PRUNE2: variants seen among roughly 807,000 people sequenced by gnomAD.
PRUNE2 encodes the protein protein prune homolog 2.
A neutral mutation model predicts 252.0 loss-of-function variants in PRUNE2; 164 were observed. The observed-to-expected ratio is 0.65, with a 90% CI of 0.57 to 0.74. The LOEUF (loss-of-function observed/expected upper bound fraction) is 0.74, where lower values mean the gene tolerates loss of function less well. PRUNE2 is among the 30% of genes least tolerant of loss of function. The pLI, the probability that PRUNE2 is intolerant of heterozygous loss-of-function variation, is 0.00. For synonymous variants in PRUNE2, 1,292 were observed against 1,350.2 expected, an observed-to-expected ratio of 0.96 and a Z score of 0.94; for missense variants, 3,495 against 3,711.0, an observed-to-expected ratio of 0.94 and a Z score of 1.51.
At chr9:76,691,907 G>C (rs2044778519) in intron 9 of PRUNE2, 8 of 601,164 alleles carry the variant, frequency 1.3e-5, no homozygotes, top group Non-Finnish European at 2.4e-5. Context: ...GCAGCTGGCA[G>C]CTGTCAGTTG....
intron 4 of PRUNE2, among the ~76,000 whole-genome samples, chr9:76,832,520 A>G (rs1024953578): frequency 6.6e-6 from 1 of 152,132 alleles, no homozygotes; most frequent in Non-Finnish European, 1.5e-5. Flanking sequence ...CAGAATATAT[A>G]ATACTTTTAA....
chr9:76,747,491 G>C (rs1009311251), intron 6 of PRUNE2, among the ~76,000 whole-genome samples: 1 of 152,118 alleles, frequency 6.6e-6, no homozygotes, highest in Non-Finnish European at 1.5e-5. Context: ...TAAGTGAGGA[G>C]ACTGAGCCTC....
chr9:76,799,106 C>G (rs970567431), intron 6 of PRUNE2, among the ~76,000 whole-genome samples: 1 of 152,072 alleles, frequency 6.6e-6, no homozygotes. Context: ...TTTGGGAGGC[C>G]GAGGTGGGTG....
chr9:76,834,653 T>G (rs1162516719), intron 4 of PRUNE2, among the ~76,000 whole-genome samples: 1 of 152,190 alleles, frequency 6.6e-6, no homozygotes, highest in East Asian at 1.9e-4. Context: ...AAAACAGACA[T>G]CTGATATTGG....
chr9:76,836,378 T>C (rs1201933518), intron 4 of PRUNE2, among the ~76,000 whole-genome samples: 2 of 148,606 alleles, frequency 1.3e-5, no homozygotes, highest in African/African-American at 5.0e-5. Context: ...TAGAATCAGA[T>C]AGGGGGAGGG....
At chr9:76,700,682 C>T (rs757396294) in intron 9 of PRUNE2, among the ~76,000 whole-genome samples, 4 of 152,092 alleles carry the variant, frequency 2.6e-5, no homozygotes, top group Admixed American at 1.3e-4. Flanking sequence ...TTTCTTCTGA[C>T]TATAAAAGAA....
chr9:76,647,271 G>A (rs1845304415), intron 11 of PRUNE2, among the ~76,000 whole-genome samples: 1 of 152,128 alleles, frequency 6.6e-6, no homozygotes, highest in Non-Finnish European at 1.5e-5. Flanking sequence ...AGGAGCAAAG[G>A]CAATACAATA....
intron 9 of PRUNE2, chr9:76,687,535 A>G (rs546806070): frequency 9.9e-6 from 2 of 201,976 alleles, no homozygotes; most frequent in South Asian, 1.3e-4. Flanking sequence ...TCTCCAGGTA[A>G]AACCATATCA....
chr9:76,707,415 G>A lies in PRUNE2; in HGVS notation c.4859C>T (p.Thr1620Ile), dbSNP rs761058409. The A allele has an allele frequency of 2.5e-6, 4 of 1,613,876 alleles. No individual in the cohort carries two copies. In the South Asian group the frequency reaches 3.3e-5, roughly 13 times the overall value. ...FEKSFDRKTP[T>I]FLEIWNDSVD... is the part of the protein sequence containing the mutation. ...TGAGTCATTCCAGATCTCTAAAAAT[G>A]TAGGAGTTTTGCGATCAAAGCTCTT... Residue 1620 changes from threonine to isoleucine, a missense_variant, in exon 8 of 19, where the codon ACA becomes ATA. Transcript: ENST00000376718.
chr9:76,706,205 A>G lies in PRUNE2; in HGVS notation c.6069T>C (p.Ser2023=). Residue 2023 remains serine, a synonymous_variant, in exon 8 of 19, where the codon TCT becomes TCC. Coordinates refer to ENST00000376718, the MANE Select transcript of PRUNE2 (RefSeq NM_015225.3). ...CTGGCTTCATTATCAGTTGGGTGGG[A>G]GAACTGACAGCAGGAAAATTTTCTG... is the stretch of plus-strand genomic sequence containing the variant. ...IATENFPAVS[S]PTQLIMKPGS... The G allele has an allele frequency of 6.2e-7, 1 of 1,613,908 alleles. No homozygotes were observed.
intron 1 of PRUNE2, among the ~76,000 whole-genome samples, chr9:76,871,688 G>A (rs1443804532): frequency 6.6e-6 from 1 of 152,172 alleles, no homozygotes; most frequent in East Asian, 1.9e-4. Context: ...GAGTGCAGGG[G>A]CACAACGTCA....
intron 1 of PRUNE2, among the ~76,000 whole-genome samples, chr9:76,854,476 A>G (rs7046215): frequency 0.041 from 6,167 of 152,220 alleles, 440 homozygotes; most frequent in African/African-American, 0.14. Context: ...TATGAACTGT[A>G]TCTCTGAGTC....
At chr9:76,834,734 G>A (rs2058860054) in intron 4 of PRUNE2, among the ~76,000 whole-genome samples, 1 of 152,182 alleles carries the variant, frequency 6.6e-6, no homozygotes, top group Admixed American at 6.5e-5. Flanking sequence ...AACTAACTCA[G>A]AAAAATGCTC....
chr9:76,783,853 C>CCA (rs2054687141), intron 6 of PRUNE2: 1 of 152,114 alleles, frequency 6.6e-6, no homozygotes, highest in African/African-American at 2.4e-5. Context: ...CTTTAAATAT[C>CCA]CACACACACA....
At chr9:76,839,498 G>C (rs2059261173) in intron 4 of PRUNE2, among the ~76,000 whole-genome samples, 1 of 152,204 alleles carries the variant, frequency 6.6e-6, no homozygotes. Flanking sequence ...AAGCTGAAAG[G>C]CTCTTGTGTC....
intron 4 of PRUNE2, among the ~76,000 whole-genome samples, chr9:76,835,588 A>G (rs2058915353): frequency 1.3e-5 from 2 of 152,290 alleles, no homozygotes; most frequent in East Asian, 1.9e-4. Context: ...TTTTGGTTTT[A>G]TAACTAGCAG....
At chr9:76,848,302 T>C (rs1422258174) in intron 3 of PRUNE2, among the ~76,000 whole-genome samples, 1 of 152,120 alleles carries the variant, frequency 6.6e-6, no homozygotes, top group Non-Finnish European at 1.5e-5. Context: ...GTAAATTTAG[T>C]CAAGCATATG....
intron 9 of PRUNE2, among the ~76,000 whole-genome samples, chr9:76,681,253 C>A (rs146952884): frequency 6.6e-6 from 1 of 151,912 alleles, no homozygotes. Flanking sequence ...TTCATAGAAA[C>A]AGAAAGTAGA....
chr9:76,752,840 C>A (rs1334852331), intron 6 of PRUNE2, among the ~76,000 whole-genome samples: 1 of 152,116 alleles, frequency 6.6e-6, no homozygotes, highest in Non-Finnish European at 1.5e-5. Context: ...GACTCCAGAG[C>A]CCAAGTTCTA....
Sources: allele counts gnomAD v4.1 joint callset (sites outside exome capture counted in the v4.1 genomes callset), GRCh38; gene constraint gnomAD v4.1.1; transcripts MANE v1.5; gene names NCBI Gene and HGNC (gene_info 2026-07-23, HGNC 2026-07-21).